Variants in UBXN7 observed in about 807,000 individuals in gnomAD.
The protein encoded by UBXN7 is UBX domain protein 7.
UBXN7 carries 9 observed loss-of-function variants against 58.0 expected under a neutral mutation model. That is an observed-to-expected ratio of 0.16 (90% confidence interval 0.09 to 0.27). The LOEUF (loss-of-function observed/expected upper bound fraction) is 0.27. UBXN7 is among the 10% of genes least tolerant of loss of function. The pLI is 1.00. For synonymous variants in UBXN7, 208 were observed against 205.0 expected, an observed-to-expected ratio of 1.01 and a Z score of -0.12; for missense variants, 328 against 599.6, an observed-to-expected ratio of 0.55 and a Z score of 4.73.
At chr3:196,380,528 G>A (rs1729174361) in intron 5 of UBXN7, among the ~76,000 whole-genome samples, 1 of 152,170 alleles carries the variant, frequency 6.6e-6, no homozygotes, top group Non-Finnish European at 1.5e-5. Flanking sequence ...GGCCAAATAG[G>A]AGCAGCTGCA....
At position 196,430,801 on chromosome 3, in the gene UBXN7, A is replaced by G. The variant is rs150895667; in HGVS notation, c.73+1526T>C. On this transcript the variant is annotated intron_variant, in intron 1 of 10. Coordinates refer to ENST00000296328, the MANE Select transcript of UBXN7 (RefSeq NM_015562.2). ...TATATAAGCATAATGCAGCAACACT[A>G]ACTTATATACACAATAATCTTCTCC... Among the ~76,000 whole-genome samples, 557 of 152,308 alleles carry G rather than the reference A, an allele frequency of 3.7e-3. 20 individuals are homozygous for G. In the South Asian group the frequency reaches 0.075, roughly 21 times the overall value.
Position 196,385,458 on chromosome 3 carries a change from C to G in UBXN7, c.468+6355G>C, listed in dbSNP as rs181034627. On this transcript the variant is annotated intron_variant, in intron 5 of 10. Coordinates refer to ENST00000296328, the MANE Select transcript of UBXN7 (RefSeq NM_015562.2). ...GAAGTGAGGAGCGCCTCTGCCCGGCCGTCATCCCATCTAGGAAGTGAGGAG... is the reference window on the plus strand; with the variant it reads ...GAAGTGAGGAGCGCCTCTGCCCGGCGGTCATCCCATCTAGGAAGTGAGGAG... Among the ~76,000 whole-genome samples, 546 of 151,754 alleles carry G rather than the reference C, an allele frequency of 3.6e-3. 18 individuals carry two copies. The South Asian group carries it at 0.074, about 21-fold the overall frequency.
intron 4 of UBXN7, among the ~76,000 whole-genome samples, chr3:196,393,149 T>C (rs1729637427): frequency 6.6e-6 from 1 of 152,228 alleles, no homozygotes; most frequent in Non-Finnish European, 1.5e-5. Context: ...GCCAAAATAT[T>C]AATAGTGGCT....
At chr3:196,363,474 G>A (rs1204208842) in intron 8 of UBXN7, among the ~76,000 whole-genome samples, 1 of 151,338 alleles carries the variant, frequency 6.6e-6, no homozygotes, top group Non-Finnish European at 1.5e-5. Flanking sequence ...GGCCAACATG[G>A]TGAAACCCCG....
intron 5 of UBXN7, among the ~76,000 whole-genome samples, chr3:196,374,632 G>C (rs1489339542): frequency 6.6e-6 from 1 of 150,846 alleles, no homozygotes; most frequent in East Asian, 2.0e-4. Flanking sequence ...TGCAATCCCA[G>C]CACTTTGGGA....
chr3:196,359,084 T>C (rs1362114523), intron 10 of UBXN7, among the ~76,000 whole-genome samples: 1 of 152,176 alleles, frequency 6.6e-6, no homozygotes, highest in Non-Finnish European at 1.5e-5. Context: ...TTACTGAAGG[T>C]CTGCGGCAAC....
intron 10 of UBXN7, among the ~76,000 whole-genome samples, chr3:196,358,370 G>GA (rs1321231605): frequency 2.0e-4 from 30 of 152,202 alleles, no homozygotes; most frequent in Admixed American, 2.0e-3. Flanking sequence ...ATGCAGGCAT[G>GA]AAACAGAAAA....
intron 1 of UBXN7, among the ~76,000 whole-genome samples, chr3:196,411,537 C>G (rs910674539): frequency 1.3e-5 from 2 of 152,164 alleles, no homozygotes; most frequent in Non-Finnish European, 2.9e-5. Context: ...GATGGCCGAG[C>G]ACAGTGGCTC....
At chr3:196,358,525 CAGG>C (rs1457678256) in intron 10 of UBXN7, among the ~76,000 whole-genome samples, 3 of 152,132 alleles carry the variant, frequency 2.0e-5, no homozygotes, top group Non-Finnish European at 4.4e-5. Context: ...GACTTGAGCT[CAGG>C]AGTTCAAGAC....
chr3:196,412,471 T>G (rs73213962), intron 1 of UBXN7, among the ~76,000 whole-genome samples: 1 of 152,012 alleles, frequency 6.6e-6, no homozygotes, highest in Non-Finnish European at 1.5e-5. Flanking sequence ...GGAACCACCA[T>G]GCACTCTTGA....
At chr3:196,421,382 A>G (rs1224622964) in intron 1 of UBXN7, among the ~76,000 whole-genome samples, 2 of 152,212 alleles carry the variant, frequency 1.3e-5, no homozygotes, top group African/African-American at 2.4e-5. Flanking sequence ...ATAAAAATAC[A>G]AATTCCAGTG....
intron 8 of UBXN7, among the ~76,000 whole-genome samples, chr3:196,365,174 C>A (rs1302929409): frequency 1.4e-5 from 2 of 146,252 alleles, no homozygotes; most frequent in African/African-American, 5.1e-5. Flanking sequence ...CAATTCTTAT[C>A]GAAAAATTAT....
At chr3:196,393,733 C>G in intron 3 of UBXN7, 114 bp from the exon 4 acceptor site, 3 of 986,558 alleles carry the variant, frequency 3.0e-6, no homozygotes, top group Non-Finnish European at 4.4e-6. Flanking sequence ...CCTTCACGAA[C>G]TGCATGTCAC....
At position 196,351,521 on chromosome 3, in the gene UBXN7, T is replaced by G. The variant is rs1728214031; in HGVS notation, c.*5164A>C. ...AGAAAAAAAAAGTAAAGAAACTGAT[T>G]AACCAGCACACTTTTAATTAGCCTA... On this transcript the variant is annotated 3_prime_UTR_variant, in exon 11 of 11. Transcript: ENST00000296328. 1 of 152,138 alleles carries G rather than the reference T, an allele frequency of 6.6e-6. No individual in the cohort carries two copies. Among genetic ancestry groups the G allele is most frequent in the Non-Finnish European group, 1.5e-5 (1 of 68,022 alleles). 9.4% of individuals were successfully genotyped at this position (152,138 alleles called of 1,614,324 possible).
intron 1 of UBXN7, among the ~76,000 whole-genome samples, chr3:196,417,787 T>G (rs1730548463): frequency 8.2e-6 from 1 of 122,078 alleles, no homozygotes; most frequent in African/African-American, 3.2e-5. Flanking sequence ...TAGCCAGGCG[T>G]GGTGGCACAT....
intron 5 of UBXN7, 96 bp downstream of exon 5, chr3:196,391,717 G>T: frequency 1.1e-6 from 1 of 881,858 alleles, no homozygotes; most frequent in Non-Finnish European, 1.8e-6. Context: ...CTGGACGACA[G>T]AGCGAGACCT....
rs1265341089 is a variant in UBXN7, at chr3:196,356,511, C to G, written c.*174G>C. On this transcript the variant is annotated 3_prime_UTR_variant, in exon 11 of 11. Transcript: ENST00000296328. Reference sequence around the variant, plus strand: ...GAGAAAACAGAAGAGGAGAAAGAAACAAAGGGGGAGAAAGAGACTGATTAT... The same window carrying G: ...GAGAAAACAGAAGAGGAGAAAGAAAGAAAGGGGGAGAAAGAGACTGATTAT... 6.3e-6 allele frequency: 4 copies of G among 632,220 alleles called. No individual in the cohort carries two copies. Among genetic ancestry groups the G allele is most frequent in the Non-Finnish European group, 1.0e-5 (4 of 393,438 alleles). The allele number at this position is 632,220 out of a possible 1,614,324, so 39.2% of individuals were successfully genotyped here. A position where few individuals can be genotyped will look rare whatever the true frequency, so the allele number is the denominator to read the frequency against.
intron 3 of UBXN7, among the ~76,000 whole-genome samples, chr3:196,395,226 C>T (rs371295936): frequency 1.3e-5 from 2 of 152,120 alleles, no homozygotes; most frequent in African/African-American, 4.8e-5. Context: ...TTCCCAATAA[C>T]TCGTGTTTGT....
chr3:196,393,712 A>G, intron 3 of UBXN7, 93 bp from the exon 4 acceptor site: 15 of 1,261,078 alleles, frequency 1.2e-5, no homozygotes, highest in Non-Finnish European at 1.7e-5. Flanking sequence ...TTTTAATAAA[A>G]CATATGAAAC....
Sources: allele counts gnomAD v4.1 joint callset (sites outside exome capture counted in the v4.1 genomes callset), GRCh38; gene constraint gnomAD v4.1.1; transcripts MANE v1.5; gene names NCBI Gene and HGNC (gene_info 2026-07-23, HGNC 2026-07-21).